The following SETD6 variants were observed in gnomAD, a reference collection of about 807,000 sequenced individuals.
The protein encoded by SETD6 is SET domain containing 6, protein lysine methyltransferase.
Under a neutral mutation model 52.7 loss-of-function variants are expected in SETD6, and 67 were observed. The ratio of observed to expected loss-of-function variants is 1.27; its 90% CI spans 1.04 to 1.56. The LOEUF is 1.56. SETD6 is among the 40% of genes most tolerant of loss of function. SETD6 has a pLI of 0.00. For synonymous variants in SETD6, 307 were observed against 250.2 expected, an observed-to-expected ratio of 1.23 and a Z score of -2.14; for missense variants, 712 against 607.5, an observed-to-expected ratio of 1.17 and a Z score of -1.81.
At chr16:58,518,574 G>A (rs2039252656) in intron 7 of SETD6, 31 bp downstream of exon 7, 1 of 1,590,470 alleles carries the variant, frequency 6.3e-7, no homozygotes, top group African/African-American at 1.4e-5. Context: ...ATTTAATGCT[G>A]ATAATCTAAG....
chr16:58,516,626 T>TC lies in SETD6; in HGVS notation c.628dup (p.Leu210ProfsTer15). ...CGATCTCTTCAGCCTCAGGGTTCGCTCCCTAGAACTCTACCACCAGCTGGT... is the reference window on the plus strand; with the variant it reads ...CGATCTCTTCAGCCTCAGGGTTCGCTCCCCTAGAACTCTACCACCAGCTGGT... On this transcript the variant is annotated frameshift_variant, in exon 4 of 8. Coordinates refer to ENST00000219315, the MANE Select transcript of SETD6 (RefSeq NM_001160305.4). LOFTEE classifies it high-confidence loss of function. 6.2e-7 allele frequency: 1 copy of TC among 1,614,048 alleles called. No homozygotes were observed. The highest frequency in any genetic ancestry group is 8.5e-7 in the Non-Finnish European group (1 of 1,179,980).
In SETD6 at chr16:58,519,384, T is replaced by G. The variant is rs942074120; in HGVS notation, c.*355T>G. ...CCCCTGGTTTAAATCTAAGTCTAGT[T>G]TGAGGAAGTCACTTAACCTTTATTG... On this transcript the variant is annotated 3_prime_UTR_variant, in exon 8 of 8. Coordinates refer to ENST00000219315, the MANE Select transcript of SETD6 (RefSeq NM_001160305.4). 1 of 218,950 alleles carries G rather than the reference T, an allele frequency of 4.6e-6. No individual in the cohort carries two copies. Among genetic ancestry groups the G allele is most frequent in the Non-Finnish European group, 9.2e-6 (1 of 108,956 alleles). The allele number at this position is 218,950 out of a possible 1,614,324, so 13.6% of individuals were successfully genotyped here.
Position 58,519,760 on chromosome 16 carries a change from G to C in SETD6, c.*731G>C, listed in dbSNP as rs907860765. On this transcript the variant is annotated 3_prime_UTR_variant, in exon 8 of 8. Transcript: ENST00000219315. Reference sequence around the variant, plus strand: ...TGTCCAGTGTTGAAATAAATAGGAAGAAAAATACAATTTCCTTAAACATGC... The same window carrying C: ...TGTCCAGTGTTGAAATAAATAGGAACAAAAATACAATTTCCTTAAACATGC... The C allele has an allele frequency of 6.6e-6, 1 of 152,074 alleles. No individual in the cohort carries two copies. Among genetic ancestry groups the C allele is most frequent in the African/African-American group, 2.4e-5 (1 of 41,402 alleles). 9.4% of individuals were successfully genotyped at this position (152,074 alleles called of 1,614,324 possible).
Position 58,522,891 on chromosome 16 carries a change from G to A in SETD6, c.*3862G>A, listed in dbSNP as rs894548529. On this transcript the variant is annotated 3_prime_UTR_variant, in exon 8 of 8. Transcript: ENST00000219315. ...ATCAGAATGAGTATTAAGAGGGCAG[G>A]AACCATCCATTTTGCTCACAATTGT... 6.6e-6 allele frequency: 1 copy of A among 152,454 alleles called. No homozygotes were observed. Among genetic ancestry groups the A allele is most frequent in the African/African-American group, 2.4e-5 (1 of 41,566 alleles). The allele number at this position is 152,454 out of a possible 1,614,324, so 9.4% of individuals were successfully genotyped here. A position where few individuals can be genotyped will look rare whatever the true frequency, so the allele number is the denominator to read the frequency against.
In SETD6 at chr16:58,518,411, T is replaced by C. The variant is rs2039246089; in HGVS notation, c.984T>C (p.Thr328=). Residue 328 remains threonine (T), a synonymous_variant, in exon 7 of 8, where the codon ACT becomes ACC. Transcript: ENST00000219315. ...VREAALQGTK[T]EAERHLVYER... Reference sequence around the variant, plus strand: ...CTGTTTCATCTACAGGAACAAAAACTGAAGCTGAAAGGCACCTAGTGTACG... The same window carrying C: ...CTGTTTCATCTACAGGAACAAAAACCGAAGCTGAAAGGCACCTAGTGTACG... The C allele has an allele frequency of 1.3e-6, 2 of 1,580,720 alleles. No individual in the cohort carries two copies. Among genetic ancestry groups the C allele is most frequent in the Admixed American group, 2.0e-5 (1 of 48,966 alleles).
rs572742837 is a variant in SETD6 at position 58,521,749 on chromosome 16, C to T, written c.*2720C>T. 4.6e-5 allele frequency among the ~76,000 whole-genome samples: 7 copies of T among 151,880 alleles called. No homozygotes were observed. In the South Asian group the frequency reaches 1.2e-3, roughly 27 times the overall value. The stretch of plus-strand genomic sequence containing the variant: ...GGTGGATCACCTGAGGTCAGGAGTT[C>T]GAGACCAGCCTGGCCAACATGGTGA... On this transcript the variant is annotated 3_prime_UTR_variant, in exon 8 of 8. Coordinates refer to ENST00000219315, the MANE Select transcript of SETD6 (RefSeq NM_001160305.4).
chr16:58,515,760 C>G, intron 1 of SETD6, 31 bp from the exon 2 acceptor site: 3 of 1,441,898 alleles, frequency 2.1e-6, no homozygotes, highest in Non-Finnish European at 2.7e-6. Flanking sequence ...CTCTGGGGGT[C>G]GGACCTGGTC....
intron 5 of SETD6, chr16:58,517,581 C>T (rs2039210080): frequency 1.1e-5 from 2 of 189,008 alleles, no homozygotes; most frequent in South Asian, 2.0e-4. Context: ...TCAAGCAATT[C>T]TCCCTGCCTC....
rs1382921772 is a variant in SETD6 at position 58,516,269 on chromosome 16, G to C, written c.402G>C (p.Gln134His). The C allele has an allele frequency of 2.5e-6, 4 of 1,601,884 alleles. No individual in the cohort carries two copies. The highest frequency in any genetic ancestry group is 1.3e-5 in the African/African-American group (1 of 74,882). The part of the protein sequence containing the change: ...PLLLALLHEL[Q>H]APASRWRPYF... ...TGCTGGCGCTGCTCCACGAGCTGCAGGCCCCGGCCTCACGCTGGAGGCCCT... is the reference window on the plus strand; with the variant it reads ...TGCTGGCGCTGCTCCACGAGCTGCACGCCCCGGCCTCACGCTGGAGGCCCT... The change falls in exon 3 of 8, where the codon CAG (glutamine) becomes CAC (histidine). Residue 134 changes from glutamine to histidine, a missense_variant. Gln to His is a conservative substitution (Grantham distance 24). Transcript: ENST00000219315.
Position 58,520,616 on chromosome 16 carries a change from G to C in SETD6, c.*1587G>C, listed in dbSNP as rs2039337502. The C allele has an allele frequency of 7.4e-6, 2 of 271,522 alleles. No homozygotes were observed. The highest frequency in any genetic ancestry group is 1.4e-5 in the Non-Finnish European group (2 of 139,828). The allele number at this position is 271,522 out of a possible 1,614,324, so 16.8% of individuals were successfully genotyped here. A position where few individuals can be genotyped will look rare whatever the true frequency, so the allele number is the denominator to read the frequency against. ...CTCAGACAAGTGCATGGCATCAGCTGCCTCTTCATTACAAGGTACCAGTTT... is the reference window on the plus strand; with the variant it reads ...CTCAGACAAGTGCATGGCATCAGCTCCCTCTTCATTACAAGGTACCAGTTT... On this transcript the variant is annotated 3_prime_UTR_variant, in exon 8 of 8. Coordinates refer to ENST00000219315, the MANE Select transcript of SETD6 (RefSeq NM_001160305.4).
Position 58,521,278 on chromosome 16 carries a change from A to G in SETD6, c.*2249A>G. On this transcript the variant is annotated 3_prime_UTR_variant, in exon 8 of 8. Coordinates refer to ENST00000219315, the MANE Select transcript of SETD6 (RefSeq NM_001160305.4). Reference sequence around the variant, plus strand: ...CAATGAAGGTAATAAGAAGACCCCAAGGATGTGGCCTATTTACAATCAACC... The same window carrying G: ...CAATGAAGGTAATAAGAAGACCCCAGGGATGTGGCCTATTTACAATCAACC... 1 of 1,613,940 alleles carries G rather than the reference A, an allele frequency of 6.2e-7. No homozygotes were observed. Among genetic ancestry groups the G allele is most frequent in the Non-Finnish European group, 8.5e-7 (1 of 1,179,950 alleles).
In SETD6 at chr16:58,523,305, GAAA is replaced by G; in HGVS notation, c.*4284_*4286del. ...CACTGAACACTGAAAGCATAAAGAG[GAAA>G]AAAAAAAGATGAAAGGGAGGAGATC... is the stretch of plus-strand genomic sequence containing the variant. On this transcript the variant is annotated 3_prime_UTR_variant, in exon 8 of 8. Transcript: ENST00000219315. The G allele has an allele frequency of 2.2e-6, 3 of 1,340,120 alleles. No homozygotes were observed. Among genetic ancestry groups the G allele is most frequent in the African/African-American group, 1.5e-5 (1 of 64,698 alleles). The allele number at this position is 1,340,120 out of a possible 1,614,324, so 83.0% of individuals were successfully genotyped here.
upstream of SETD6, chr16:58,515,510 G>T: frequency 2.5e-6 from 4 of 1,575,912 alleles, no homozygotes; most frequent in South Asian, 1.2e-5. Flanking sequence ...GCGGTGCGCC[G>T]GCCCGCGAGG....
At position 58,522,237 on chromosome 16, in the gene SETD6, C is replaced by CAAAAAAAAAAAAAAAAAAAAA. The variant is rs56149974; in HGVS notation, c.*3218_*3238dup. ...AGGAGGCGACAAAGCGAGACTGTCT[C>CAAAAAAAAAAAAAAAAAAAAA]AAAAAAAAAAAAAAAAAAAAAAAAA... On this transcript the variant is annotated 3_prime_UTR_variant, in exon 8 of 8. Transcript: ENST00000219315. Among the ~76,000 whole-genome samples, 2 of 98,556 alleles carry CAAAAAAAAAAAAAAAAAAAAA rather than the reference C, an allele frequency of 2.0e-5. No homozygotes were observed. The highest frequency in any genetic ancestry group is 8.5e-5 in the African/African-American group (2 of 23,600). 64.7% of individuals were successfully genotyped at this position (98,556 alleles called of 152,430 possible).
Position 58,519,734 on chromosome 16 carries a change from T to C in SETD6, c.*705T>C, listed in dbSNP as rs1220846489. On this transcript the variant is annotated 3_prime_UTR_variant, in exon 8 of 8. Coordinates refer to ENST00000219315, the MANE Select transcript of SETD6 (RefSeq NM_001160305.4). ...TAACCAGATAAACCTGCTCCAGCAT[T>C]TGTCCAGTGTTGAAATAAATAGGAA... 1 of 152,200 alleles carries C rather than the reference T, an allele frequency of 6.6e-6. No individual in the cohort carries two copies. Among genetic ancestry groups the C allele is most frequent in the African/African-American group, 2.4e-5 (1 of 41,450 alleles). The allele number at this position is 152,200 out of a possible 1,614,324, so 9.4% of individuals were successfully genotyped here. A position where few individuals can be genotyped will look rare whatever the true frequency, so the allele number is the denominator to read the frequency against.
At position 58,515,555 on chromosome 16, in the gene SETD6, G is replaced by A. The variant is rs374628201; in HGVS notation, c.18G>A (p.Lys6=). 4.3e-5 allele frequency: 69 copies of A among 1,586,688 alleles called. No individual in the cohort carries two copies. Among genetic ancestry groups the A allele is most frequent in the Non-Finnish European group, 5.9e-5 (69 of 1,170,770 alleles). The change falls in exon 1 of 8, where the codon AAG becomes AAA. Residue 6 remains lysine, a synonymous_variant. Transcript: ENST00000219315. The stretch of plus-strand genomic sequence containing the variant: ...CTTAGACCATGGCGACCCAGGCGAA[G>A]CGTCCACGGGTGAGTGGCGGGCGCG... MATQA[K]RPRVAGPVDG...
At chr16:58,517,895 G>T (rs1052240648) in intron 5 of SETD6, 156 bp from the exon 6 acceptor site, 6 of 870,364 alleles carry the variant, frequency 6.9e-6, no homozygotes, top group Non-Finnish European at 1.1e-5. Flanking sequence ...TTGTTTCACA[G>T]TTTAGGGTCT....
rs373930806 is a variant in SETD6 at position 58,518,214 on chromosome 16, G to A, written c.956G>A (p.Arg319His). The A allele has an allele frequency of 9.9e-6, 16 of 1,614,210 alleles. No homozygotes were observed. The highest frequency in any genetic ancestry group is 5.3e-5 in the African/African-American group (4 of 75,054). Reference protein sequence around the residue: ...DTADIQMVTVREAALQGTKTE... With the variant: ...DTADIQMVTVHEAALQGTKTE... ...GCTGACATTCAGATGGTGACAGTTC[G>A]TGAGGCAGCATTACAGGGTGAGTGT... is the stretch of plus-strand genomic sequence containing the variant. Residue 319 changes from arginine (R) to histidine (H), a missense_variant, in exon 6 of 8, where the codon CGT becomes CAT. Transcript: ENST00000219315.
Position 58,518,162 on chromosome 16 carries a change from C to A in SETD6, c.904C>A (p.Pro302Thr). The A allele has an allele frequency of 6.2e-7, 1 of 1,614,190 alleles. No homozygotes were observed. Among genetic ancestry groups the A allele is most frequent in the Non-Finnish European group, 8.5e-7 (1 of 1,180,046 alleles). Residue 302 changes from proline to threonine, a missense_variant, in exon 6 of 8, where the codon CCA (proline) becomes ACA (threonine). By Grantham distance (38) the Pro-to-Thr change is conservative. Coordinates refer to ENST00000219315, the MANE Select transcript of SETD6 (RefSeq NM_001160305.4). ...QLIHMYGFVE[P>T]YPDNTDDTAD... ...GATTCATATGTACGGTTTTGTTGAA[C>A]CATATCCTGACAACACAGATGACAC...
Sources: gnomAD v4.1 joint callset for allele counts (sites outside exome capture counted in the v4.1 genomes callset) on GRCh38, gnomAD v4.1.1 for gene constraint, MANE v1.5 for transcripts, NCBI Gene and HGNC (gene_info 2026-07-23, HGNC 2026-07-21) for gene names.